The following CA10 variants were observed in gnomAD, a reference collection of about 807,000 sequenced individuals.
CA10 encodes carbonic anhydrase 10 (inactive).
CA10 carries 14 observed loss-of-function variants against 44.2 expected under a neutral mutation model. The observed-to-expected ratio is 0.32, with a 90% CI of 0.21 to 0.50. The LOEUF (loss-of-function observed/expected upper bound fraction) is 0.50, where lower values mean the gene tolerates loss of function less well. CA10 is among the 20% of genes least tolerant of loss of function. The probability of loss-of-function intolerance (pLI) is 0.99; values close to 1 mark genes in which losing one functional copy is unlikely to be tolerated. For synonymous variants in CA10, 159 were observed against 141.6 expected (o/e 1.12, Z -0.87); for missense variants, 350 against 409.7 (o/e 0.85, Z 1.26).
In CA10 at chr17:51,631,329, T is replaced by A. The variant is rs936426216; in HGVS notation, c.*255A>T. On this transcript the variant is annotated 3_prime_UTR_variant, in exon 9 of 9. Transcript: ENST00000451037. ...TCCCATGATGGAGGTTGTAAGAGTG[T>A]GTGTGTGTGTAGGTATGTTTGCATG... is the stretch of plus-strand genomic sequence containing the variant. The A allele has an allele frequency of 2.6e-4, 120 of 459,648 alleles. No individual in the cohort carries two copies. The highest frequency in any genetic ancestry group is 6.7e-4 in the South Asian group (19 of 28,568). 28.5% of individuals were successfully genotyped at this position (459,648 alleles called of 1,614,324 possible).
intron 2 of CA10, among the ~76,000 whole-genome samples, chr17:52,031,257 C>T (rs1381032733): frequency 6.6e-6 from 1 of 151,208 alleles, no homozygotes; most frequent in Non-Finnish European, 1.5e-5. Context: ...TCAAGCAATT[C>T]TCATGCCTCA....
intron 4 of CA10, among the ~76,000 whole-genome samples, chr17:51,657,367 T>C (rs1597966969): frequency 6.6e-6 from 1 of 152,196 alleles, no homozygotes; most frequent in Non-Finnish European, 1.5e-5. Flanking sequence ...CAGGTCTTTG[T>C]TGGTGGTGAT....
intron 3 of CA10, among the ~76,000 whole-genome samples, chr17:51,840,205 C>A (rs1214835008): frequency 6.6e-6 from 1 of 152,114 alleles, no homozygotes; most frequent in Non-Finnish European, 1.5e-5. Flanking sequence ...AATACGGACC[C>A]CACTAAGTGC....
intron 3 of CA10, among the ~76,000 whole-genome samples, chr17:51,866,844 A>G (rs1298003046): frequency 1.3e-5 from 2 of 152,216 alleles, no homozygotes; most frequent in Admixed American, 6.5e-5. Context: ...CTATAAAATA[A>G]TACTGAATAT....
At chr17:51,840,308 G>C (rs1978308989) in intron 3 of CA10, among the ~76,000 whole-genome samples, 1 of 152,180 alleles carries the variant, frequency 6.6e-6, no homozygotes, top group Non-Finnish European at 1.5e-5. Context: ...TTTTTACTGA[G>C]TTTGTTGCCT....
chr17:51,993,612 A>G (rs1985121757), intron 2 of CA10, among the ~76,000 whole-genome samples: 1 of 152,074 alleles, frequency 6.6e-6, no homozygotes, highest in Non-Finnish European at 1.5e-5. Flanking sequence ...ATTATTTATC[A>G]TTGTATTCTG....
chr17:52,128,466 G>C (rs1340423858), intron 1 of CA10, among the ~76,000 whole-genome samples: 1 of 152,046 alleles, frequency 6.6e-6, no homozygotes, highest in African/African-American at 2.4e-5. Context: ...ATCTGACAAT[G>C]GCCTTCATGG....
intron 1 of CA10, among the ~76,000 whole-genome samples, chr17:52,104,027 C>T (rs532429645): frequency 7.9e-5 from 12 of 152,136 alleles, no homozygotes; most frequent in Admixed American, 2.0e-4. Context: ...ATTCCATTTG[C>T]GATCCATAAA....
intron 3 of CA10, among the ~76,000 whole-genome samples, chr17:51,858,085 G>C (rs572511979): frequency 1.3e-5 from 2 of 152,056 alleles, no homozygotes. Flanking sequence ...AAACGGAAAG[G>C]AGAGAAATGA....
intron 3 of CA10, among the ~76,000 whole-genome samples, chr17:51,839,656 T>TAA (rs941445100): frequency 3.2e-4 from 49 of 152,218 alleles, no homozygotes; most frequent in African/African-American, 1.1e-3. Flanking sequence ...ACATATAAAG[T>TAA]AATGACAGGG....
Position 51,630,770 on chromosome 17 carries a change from A to AAATT in CA10, c.*810_*813dup, listed in dbSNP as rs1912534009. The AAATT allele has an allele frequency of 6.6e-6, 1 of 152,658 alleles. No individual in the cohort carries two copies. 9.5% of individuals were successfully genotyped at this position (152,658 alleles called of 1,614,324 possible). ...AGAACAGACCAAAGCCAGAAAAATGAAATTAACTCGTTAAACACATTTATT... is the reference window on the plus strand; with the variant it reads ...AGAACAGACCAAAGCCAGAAAAATGAAATTAATTAACTCGTTAAACACATTTATT... On this transcript the variant is annotated 3_prime_UTR_variant, in exon 9 of 9. Coordinates refer to ENST00000451037, the MANE Select transcript of CA10 (RefSeq NM_020178.5).
chr17:51,788,300 A>G (rs1442827877), intron 3 of CA10, among the ~76,000 whole-genome samples: 1 of 152,140 alleles, frequency 6.6e-6, no homozygotes, highest in Non-Finnish European at 1.5e-5. Context: ...TTCTATTATG[A>G]CCAGAGAAGA....
chr17:52,108,429 T>C lies in CA10; in HGVS notation c.62-36036A>G, dbSNP rs529336325. Among the ~76,000 whole-genome samples the C allele has an allele frequency of 3.3e-5, 5 of 151,560 alleles. No individual in the cohort carries two copies. In the East Asian group the frequency reaches 9.7e-4, roughly 29 times the overall value. On this transcript the variant is annotated intron_variant, in intron 1 of 8. Coordinates refer to ENST00000451037, the MANE Select transcript of CA10 (RefSeq NM_020178.5). ...GAATGATGCCATGGGCCAGGCGCAGTGGCTCACGCCTGTAATCCCAGCACT... is the reference window on the plus strand; with the variant it reads ...GAATGATGCCATGGGCCAGGCGCAGCGGCTCACGCCTGTAATCCCAGCACT...
chr17:51,969,742 T>C (rs1432620689), intron 2 of CA10, among the ~76,000 whole-genome samples: 1 of 151,658 alleles, frequency 6.6e-6, no homozygotes, highest in Non-Finnish European at 1.5e-5. Context: ...AAAAATTTTA[T>C]AAAAGAAATA....
At chr17:51,936,211 G>T (rs1598126960) in intron 2 of CA10, among the ~76,000 whole-genome samples, 1 of 152,144 alleles carries the variant, frequency 6.6e-6, no homozygotes, top group Admixed American at 6.5e-5. Context: ...ACTGCCATCA[G>T]TTCTGGGAAG....
chr17:52,014,933 G>A (rs540114364), intron 2 of CA10, among the ~76,000 whole-genome samples: 123 of 151,844 alleles, frequency 8.1e-4, no homozygotes, highest in African/African-American at 2.9e-3. Context: ...GAATAATTGT[G>A]GTACATTTAT....
intron 1 of CA10, among the ~76,000 whole-genome samples, chr17:52,130,932 T>G (rs1989224654): frequency 6.6e-6 from 1 of 152,170 alleles, no homozygotes; most frequent in Non-Finnish European, 1.5e-5. Context: ...AGTGAATAAC[T>G]ATGTATTGTA....
At chr17:51,767,992 A>C (rs1905453668) in intron 3 of CA10, among the ~76,000 whole-genome samples, 1 of 152,016 alleles carries the variant, frequency 6.6e-6, no homozygotes. Context: ...TTTGGATCTT[A>C]CCAGTTTTTT....
intron 2 of CA10, among the ~76,000 whole-genome samples, chr17:52,015,295 A>G (rs182754291): frequency 6.6e-6 from 1 of 152,240 alleles, no homozygotes; most frequent in East Asian, 1.9e-4. Flanking sequence ...GGGTTGGGTC[A>G]TGAAGCTGAT....
Sources: allele counts gnomAD v4.1 joint callset (sites outside exome capture counted in the v4.1 genomes callset), GRCh38; gene constraint gnomAD v4.1.1; transcripts MANE v1.5; gene names NCBI Gene and HGNC (gene_info 2026-07-23, HGNC 2026-07-21).